The following TRUB2 variants were observed in gnomAD, a reference collection of about 807,000 sequenced individuals.
TRUB2 encodes TruB pseudouridine synthase family member 2, also known as pseudouridylate synthase TRUB2, mitochondrial.
Under a neutral mutation model 31.9 loss-of-function variants are expected in TRUB2, and 31 were observed. That is an observed-to-expected ratio of 0.97 (90% CI 0.73 to 1.31). The LOEUF is 1.31. Ranked by LOEUF, TRUB2 falls within the 50% of genes most tolerant of loss-of-function variation. TRUB2 has a pLI of 0.00. For missense variants in TRUB2, 451 were observed against 439.6 expected, an observed-to-expected ratio of 1.03 and a Z score of -0.23; for synonymous variants, 201 against 182.6, an observed-to-expected ratio of 1.10 and a Z score of -0.81.
rs747615827 is a variant in TRUB2, at chr9:128,322,388, C to A, written c.21G>T (p.Ser7=). Residue 7 remains serine, a synonymous_variant, in exon 1 of 8, where the codon TCG becomes TCT. Coordinates refer to ENST00000372890, the MANE Select transcript of TRUB2 (RefSeq NM_015679.3). ...AGACCGCGAAAAGCCCATGCAGCCG[C>A]GACAAGCCAGCAGACCCCATACTTG... MGSAGL[S]RLHGLFAVYK... is the part of the protein sequence containing the mutation. 1.9e-6 allele frequency: 3 copies of A among 1,614,142 alleles called. No individual in the cohort carries two copies. In the South Asian group the frequency reaches 3.3e-5, roughly 18 times the overall value.
rs540243770 is a variant in TRUB2 at position 128,309,695 on chromosome 9, C to A, written c.851G>T (p.Arg284Leu). 2.5e-6 allele frequency: 4 copies of A among 1,614,082 alleles called. No homozygotes were observed. The highest frequency in any genetic ancestry group is 3.4e-6 in the Non-Finnish European group (4 of 1,180,036). The change falls in exon 8 of 8, where the codon CGG (arginine) becomes CTG (leucine). Residue 284 changes from arginine to leucine, a missense_variant. Coordinates refer to ENST00000372890, the MANE Select transcript of TRUB2 (RefSeq NM_015679.3). Reference sequence around the variant, plus strand: ...TGCAGCTACCTGAGGGGTAGCAGCCCGGATAGCATCCTGGATGTTGGTTAG... The same window carrying A: ...TGCAGCTACCTGAGGGGTAGCAGCCAGGATAGCATCCTGGATGTTGGTTAG... ...WDLTNIQDAI[R>L]AATPQVAAEL...
In TRUB2 at chr9:128,309,075, A is replaced by G. The variant is rs1021689920; in HGVS notation, c.*475T>C. 1.2e-5 allele frequency: 2 copies of G among 161,510 alleles called. No individual in the cohort carries two copies. Among genetic ancestry groups the G allele is most frequent in the Admixed American group, 1.1e-4 (2 of 17,496 alleles). The allele number at this position is 161,510 out of a possible 1,614,324, so 10.0% of individuals were successfully genotyped here. On this transcript the variant is annotated 3_prime_UTR_variant, in exon 8 of 8. Coordinates refer to ENST00000372890, the MANE Select transcript of TRUB2 (RefSeq NM_015679.3). Reference sequence around the variant, plus strand: ...GGGCTCTCTGTATACTATGGATATTAGTCCTTGGTTAATGACACTGCAAAT... The same window carrying G: ...GGGCTCTCTGTATACTATGGATATTGGTCCTTGGTTAATGACACTGCAAAT...
intron 4 of TRUB2, among the ~76,000 whole-genome samples, chr9:128,314,393 T>C (rs1310076561): frequency 6.6e-6 from 1 of 152,098 alleles, no homozygotes; most frequent in Non-Finnish European, 1.5e-5. Context: ...TGAGATTCCA[T>C]GGCCCAGATC....
intron 7 of TRUB2, among the ~76,000 whole-genome samples, chr9:128,310,644 G>A (rs1156657482): frequency 6.6e-6 from 1 of 152,070 alleles, no homozygotes; most frequent in Non-Finnish European, 1.5e-5. Flanking sequence ...GGTAAGGTCT[G>A]GCTTCCAAGG....
At chr9:128,320,763 C>T (rs998226808) in intron 2 of TRUB2, among the ~76,000 whole-genome samples, 1 of 151,966 alleles carries the variant, frequency 6.6e-6, no homozygotes, top group South Asian at 2.1e-4. Context: ...CAGGCCTGGC[C>T]TTCCCATATA....
In TRUB2 at chr9:128,321,670, A is replaced by G; in HGVS notation, c.170T>C (p.Met57Thr). 3.7e-6 allele frequency: 6 copies of G among 1,614,006 alleles called. No homozygotes were observed. Among genetic ancestry groups the G allele is most frequent in the Non-Finnish European group, 5.1e-6 (6 of 1,180,030 alleles). The change falls in exon 2 of 8, where the codon ATG (methionine) becomes ACG (threonine). Residue 57 changes from methionine to threonine, a missense_variant. Coordinates refer to ENST00000372890, the MANE Select transcript of TRUB2 (RefSeq NM_015679.3). ...CAGCTCCTTCTCTTCGCTGCCTTCCATGGGGCCCAGCAAGAAGCGAACACG... is the reference window on the plus strand; with the variant it reads ...CAGCTCCTTCTCTTCGCTGCCTTCCGTGGGGCCCAGCAAGAAGCGAACACG... ...KQRVRFLLGP[M>T]EGSEEKELTL...
intron 6 of TRUB2, 198 bp downstream of exon 6, chr9:128,311,331 T>C: frequency 1.6e-6 from 1 of 644,856 alleles, no homozygotes; most frequent in Non-Finnish European, 2.7e-6. Context: ...GTTCTCTTGC[T>C]CTTCTTGGCC....
At chr9:128,321,402 C>T (rs758774940) in intron 2 of TRUB2, among the ~76,000 whole-genome samples, 197 bp downstream of exon 2, 4 of 152,200 alleles carry the variant, frequency 2.6e-5, no homozygotes, top group Non-Finnish European at 4.4e-5. Context: ...GCAGTTCCAA[C>T]GGAAATCACA....
At position 128,315,562 on chromosome 9, in the gene TRUB2, C is replaced by G. The variant is rs750613546; in HGVS notation, c.378+5G>C. The G allele has an allele frequency of 6.2e-7, 1 of 1,612,944 alleles. No individual in the cohort carries two copies. Among genetic ancestry groups the G allele is most frequent in the Admixed American group, 1.7e-5 (1 of 59,898 alleles). On this transcript the variant is annotated splice_donor_5th_base_variant and intron_variant, in intron 4 of 7. Transcript: ENST00000372890. Reference sequence around the variant, plus strand: ...GAGAAGCAGGCTGTCCCCAGACCCTCGTACCTTGGTAAGATGAGCATTGTA... The same window carrying G: ...GAGAAGCAGGCTGTCCCCAGACCCTGGTACCTTGGTAAGATGAGCATTGTA...
intron 5 of TRUB2, 53 bp downstream of exon 5, chr9:128,313,755 C>T: frequency 6.4e-7 from 1 of 1,554,622 alleles, no homozygotes; most frequent in Admixed American, 1.7e-5. Flanking sequence ...GGGGAGAGGA[C>T]TCAGGGAAAG....
At chr9:128,316,956 T>A in intron 3 of TRUB2, 196 bp downstream of exon 3, 1 of 558,296 alleles carries the variant, frequency 1.8e-6, no homozygotes, top group Non-Finnish European at 3.2e-6. Context: ...TAAAGGTGGG[T>A]GACTGTGGTA....
chr9:128,318,584 G>A (rs779614579), intron 2 of TRUB2, among the ~76,000 whole-genome samples: 1 of 151,906 alleles, frequency 6.6e-6, no homozygotes, highest in Non-Finnish European at 1.5e-5. Flanking sequence ...CCAGGCTGGA[G>A]TGCAGTGGCG....
Position 128,311,039 on chromosome 9 carries a change from G to C in TRUB2, c.534-16C>G, listed in dbSNP as rs1452966535. 1 of 1,604,588 alleles carries C rather than the reference G, an allele frequency of 6.2e-7. No individual in the cohort carries two copies. Among genetic ancestry groups the C allele is most frequent in the African/African-American group, 1.5e-5 (1 of 68,504 alleles). On this transcript the variant is annotated splice_polypyrimidine_tract_variant and intron_variant, in intron 6 of 7. Coordinates refer to ENST00000372890, the MANE Select transcript of TRUB2 (RefSeq NM_015679.3). ...GTTGGAGTACCTGCAGATCAGGAAGGGGGCTGCAGCTGGGTGGCCCACCTA... is the reference window on the plus strand; with the variant it reads ...GTTGGAGTACCTGCAGATCAGGAAGCGGGCTGCAGCTGGGTGGCCCACCTA...
chr9:128,319,762 C>T (rs1832130736), intron 2 of TRUB2, among the ~76,000 whole-genome samples: 1 of 150,636 alleles, frequency 6.6e-6, no homozygotes, highest in African/African-American at 2.4e-5. Flanking sequence ...AACTCAGCCT[C>T]CTGAGTAGCT....
intron 7 of TRUB2, among the ~76,000 whole-genome samples, chr9:128,310,438 T>C (rs1831947654): frequency 6.6e-6 from 1 of 151,262 alleles, no homozygotes; most frequent in Non-Finnish European, 1.5e-5. Context: ...AACAGAGTTC[T>C]GTGCTCAAGC....
chr9:128,312,009 A>T (rs1236839916), intron 5 of TRUB2, among the ~76,000 whole-genome samples: 6 of 150,074 alleles, frequency 4.0e-5, no homozygotes, highest in African/African-American at 7.4e-5. Context: ...CTAATTTTTT[A>T]AATTTTTAGT....
chr9:128,322,159 A>C lies in TRUB2; in HGVS notation c.109+141T>G, dbSNP rs1479071926. 6.1e-6 allele frequency: 4 copies of C among 655,494 alleles called. No individual in the cohort carries two copies. In the East Asian group the frequency reaches 8.2e-5, roughly 13 times the overall value. 40.6% of individuals were successfully genotyped at this position (655,494 alleles called of 1,614,324 possible). ...AACAGAGGAAAGTGAGGAGTAAGAAAGCACAGAGAACAGGCGTTTGGGAAA... is the reference window on the plus strand; with the variant it reads ...AACAGAGGAAAGTGAGGAGTAAGAACGCACAGAGAACAGGCGTTTGGGAAA... On this transcript the variant is annotated intron_variant, in intron 1 of 7. Coordinates refer to ENST00000372890, the MANE Select transcript of TRUB2 (RefSeq NM_015679.3).
chr9:128,321,677 C>A lies in TRUB2; in HGVS notation c.163G>T (p.Gly55Cys). ...APKQRVRFLL[G>C]PMEGSEEKEL... ...TTCTCTTCGCTGCCTTCCATGGGGC[C>A]CAGCAAGAAGCGAACACGCTGTTTA... The change falls in exon 2 of 8, where the codon GGC (glycine) becomes TGC (cysteine). Residue 55 changes from glycine to cysteine, a missense_variant. By Grantham distance (159) the Gly-to-Cys change is radical. Coordinates refer to ENST00000372890, the MANE Select transcript of TRUB2 (RefSeq NM_015679.3). 6.2e-7 allele frequency: 1 copy of A among 1,613,920 alleles called. No individual in the cohort carries two copies. Among genetic ancestry groups the A allele is most frequent in the Non-Finnish European group, 8.5e-7 (1 of 1,180,026 alleles).
At chr9:128,317,929 C>G (rs7869223) in intron 2 of TRUB2, among the ~76,000 whole-genome samples, 41,965 of 152,130 alleles carry the variant, frequency 0.28, 10,394 homozygotes, top group African/African-American at 0.67. Flanking sequence ...ACAAGTCCAA[C>G]GGGTTTTTGA....
Sources: allele counts gnomAD v4.1 joint callset (sites outside exome capture counted in the v4.1 genomes callset), GRCh38; gene constraint gnomAD v4.1.1; transcripts MANE v1.5; gene names NCBI Gene and HGNC (gene_info 2026-07-23, HGNC 2026-07-21).